NDUFAF1: variants seen among roughly 807,000 people sequenced by gnomAD.
The protein encoded by NDUFAF1 is complex I intermediate-associated protein 30, mitochondrial.
Under a neutral mutation model 28.7 loss-of-function variants are expected in NDUFAF1, and 18 were observed. The ratio of observed to expected loss-of-function variants is 0.63; its 90% confidence interval spans 0.43 to 0.93. The LOEUF is 0.93. Among genes scored for constraint, NDUFAF1 ranks in the 40% least tolerant of loss-of-function variants. NDUFAF1 has a pLI of 0.00. For synonymous variants in NDUFAF1, 113 were observed against 139.7 expected (o/e 0.81, Z 1.35); for missense variants, 404 against 398.3 (o/e 1.01, Z -0.12).
chr15:41,394,361 G>A (rs2050355007), intron 3 of NDUFAF1: 2 of 1,288,766 alleles, frequency 1.6e-6, no homozygotes, highest in South Asian at 1.2e-5. Flanking sequence ...AGAGTTGCCT[G>A]GAAGACATGA....
intron 1 of NDUFAF1, among the ~76,000 whole-genome samples, chr15:41,398,640 C>T (rs2050422385): frequency 6.6e-6 from 1 of 152,110 alleles, no homozygotes; most frequent in Admixed American, 6.6e-5. Flanking sequence ...AGGTGCACAC[C>T]ACCATGCCCA....
chr15:41,401,553 G>A (rs530045908), intron 1 of NDUFAF1, among the ~76,000 whole-genome samples: 2 of 150,748 alleles, frequency 1.3e-5, no homozygotes, highest in East Asian at 2.0e-4. Flanking sequence ...TCTTGCCTCA[G>A]TCACTGGGAT....
At chr15:41,398,350 G>T (rs1171614979) in intron 1 of NDUFAF1, among the ~76,000 whole-genome samples, 3 of 151,588 alleles carry the variant, frequency 2.0e-5, no homozygotes, top group African/African-American at 7.3e-5. Context: ...CAGGCGTGGT[G>T]GCAGACGCCT....
intron 1 of NDUFAF1, among the ~76,000 whole-genome samples, chr15:41,398,655 A>C (rs2050422543): frequency 6.6e-6 from 1 of 151,914 alleles, no homozygotes; most frequent in African/African-American, 2.4e-5. Context: ...TGCCCAGCTA[A>C]TTTTTTTAAA....
Position 41,387,541 on chromosome 15 carries a change from AG to A in NDUFAF1, c.886del (p.Leu296TrpfsTer3), listed in dbSNP as rs964101547. The A allele has an allele frequency of 6.2e-7, 1 of 1,612,516 alleles. No individual in the cohort carries two copies. Among genetic ancestry groups the A allele is most frequent in the Non-Finnish European group, 8.5e-7 (1 of 1,178,644 alleles). On this transcript the variant is annotated frameshift_variant, in exon 5 of 5. Coordinates refer to ENST00000260361, the MANE Select transcript of NDUFAF1 (RefSeq NM_016013.4). LOFTEE classifies it high-confidence loss of function. Reference sequence around the variant, plus strand: ...AAACACGCCAATAAAATCTATCTCCAGGAAGAATGGACCATCCACTTTATCA... The same window carrying A: ...AAACACGCCAATAAAATCTATCTCCAGAAGAATGGACCATCCACTTTATCA... ...LADKVDGPFF[L>X]EIDFIGVFTD...
chr15:41,388,587 G>T (rs925361144), intron 3 of NDUFAF1, 65 bp from the exon 4 acceptor site: 4 of 1,031,482 alleles, frequency 3.9e-6, no homozygotes, highest in South Asian at 1.3e-5. Flanking sequence ...GCATGTAATT[G>T]TAACGATAAA....
chr15:41,388,416 A>G (rs2050276707), intron 4 of NDUFAF1, 32 bp downstream of exon 4: 2 of 1,499,320 alleles, frequency 1.3e-6, no homozygotes, highest in Non-Finnish European at 9.3e-7. Flanking sequence ...AAAATGATAC[A>G]GTTCTGAGTG....
Position 41,394,343 on chromosome 15 carries a change from A to G in NDUFAF1, c.759+516T>C, listed in dbSNP as rs1000326801. 2.3e-6 allele frequency: 3 copies of G among 1,288,310 alleles called. No individual in the cohort carries two copies. The Admixed American group carries it at 6.9e-5, about 30-fold the overall frequency. 79.8% of individuals were successfully genotyped at this position (1,288,310 alleles called of 1,614,324 possible). On this transcript the variant is annotated intron_variant, in intron 3 of 4. Coordinates refer to ENST00000260361, the MANE Select transcript of NDUFAF1 (RefSeq NM_016013.4). The stretch of plus-strand genomic sequence containing the variant: ...GCCACCACGCAGGCCTAGGACACCA[A>G]CTTTAGCAGAGTTGCCTGGAAGACA...
intron 1 of NDUFAF1, among the ~76,000 whole-genome samples, chr15:41,400,769 C>G (rs1013718558): frequency 6.8e-6 from 1 of 146,970 alleles, no homozygotes; most frequent in Non-Finnish European, 1.5e-5. Flanking sequence ...GATCTCCTGA[C>G]CACGTGATCC....
At chr15:41,394,797 C>T (rs1227026347) in intron 3 of NDUFAF1, 62 bp downstream of exon 3, 7 of 1,558,604 alleles carry the variant, frequency 4.5e-6, no homozygotes, top group East Asian at 4.5e-5. Context: ...GGATTATAGG[C>T]GTGAGCCACC....
intron 3 of NDUFAF1, among the ~76,000 whole-genome samples, chr15:41,393,316 T>A (rs2050338668): frequency 7.0e-6 from 1 of 143,204 alleles, no homozygotes; most frequent in Non-Finnish European, 1.5e-5. Context: ...TTTTTTTTTT[T>A]GAGACGAAGT....
intron 1 of NDUFAF1, 119 bp from the exon 2 acceptor site, chr15:41,397,259 A>G (rs2050402778): frequency 1.8e-6 from 1 of 558,858 alleles, no homozygotes; most frequent in Non-Finnish European, 3.2e-6. Context: ...TATTATTATT[A>G]TTATTATTTG....
At chr15:41,398,989 G>A (rs560024456) in intron 1 of NDUFAF1, among the ~76,000 whole-genome samples, 5 of 151,848 alleles carry the variant, frequency 3.3e-5, no homozygotes, top group East Asian at 3.9e-4. Context: ...ATTGTAGCCC[G>A]CCACAGTGGC....
chr15:41,392,366 G>A (rs954235691), intron 3 of NDUFAF1, among the ~76,000 whole-genome samples: 1 of 152,050 alleles, frequency 6.6e-6, no homozygotes, highest in Non-Finnish European at 1.5e-5. Context: ...GAGCCACCTA[G>A]CCCAGCCTGG....
intron 3 of NDUFAF1, among the ~76,000 whole-genome samples, chr15:41,389,129 C>T (rs909013627): frequency 3.3e-5 from 5 of 152,040 alleles, no homozygotes; most frequent in African/African-American, 1.2e-4. Context: ...GTTACCCAGG[C>T]TGGAGTGCAG....
chr15:41,395,214 C>T (rs1348457643), intron 2 of NDUFAF1, among the ~76,000 whole-genome samples, 170 bp from the exon 3 acceptor site: 4 of 152,134 alleles, frequency 2.6e-5, no homozygotes, highest in Non-Finnish European at 5.9e-5. Context: ...AAAATACTGA[C>T]ATAGTTATAT....
intron 1 of NDUFAF1, among the ~76,000 whole-genome samples, chr15:41,401,750 TAAATC>T (rs1429913479): frequency 6.6e-6 from 1 of 152,184 alleles, no homozygotes; most frequent in Non-Finnish European, 1.5e-5. Context: ...GGTTTGTTGA[TAAATC>T]AAAACCATGT....
At chr15:41,395,159 G>T (rs1428132533) in intron 2 of NDUFAF1, 115 bp from the exon 3 acceptor site, 2 of 923,344 alleles carry the variant, frequency 2.2e-6, no homozygotes, top group Non-Finnish European at 3.4e-6. Context: ...CTGACTTTCT[G>T]CCCCATAAGA....
In NDUFAF1 at chr15:41,402,383, G is replaced by T. The variant is rs1396094783; in HGVS notation, c.-321C>A. ...CTGGGGAGGCCCCCTCAACCCTCAA[G>T]TGCCAGGGCTCTGTCGCCTCCCCAC... On this transcript the variant is annotated 5_prime_UTR_variant, in exon 1 of 5. Coordinates refer to ENST00000260361, the MANE Select transcript of NDUFAF1 (RefSeq NM_016013.4). The T allele has an allele frequency of 4.4e-6, 2 of 451,632 alleles. No individual in the cohort carries two copies. The highest frequency in any genetic ancestry group is 8.9e-6 in the Non-Finnish European group (2 of 224,666). The allele number at this position is 451,632 out of a possible 1,614,324, so 28.0% of individuals were successfully genotyped here.
Sources: gnomAD v4.1 joint callset for allele counts (sites outside exome capture counted in the v4.1 genomes callset) on GRCh38, gnomAD v4.1.1 for gene constraint, MANE v1.5 for transcripts, NCBI Gene and HGNC (gene_info 2026-07-23, HGNC 2026-07-21) for gene names.